NIBAN1: variants seen among roughly 807,000 people sequenced by gnomAD.
NIBAN1 encodes the protein niban apoptosis regulator 1, also known as protein Niban 1.
A neutral mutation model predicts 75.1 loss-of-function variants in NIBAN1; 81 were observed. The ratio of observed to expected loss-of-function variants is 1.08; its 90% confidence interval spans 0.90 to 1.30. The LOEUF is 1.30. Among genes scored for constraint, NIBAN1 ranks in the 50% most tolerant of loss-of-function variants. The pLI, the probability that NIBAN1 is intolerant of heterozygous loss-of-function variation, is 0.00. For synonymous variants in NIBAN1, 436 were observed against 424.8 expected (o/e 1.03, Z -0.32); for missense variants, 1,133 against 1,128.1 (o/e 1.00, Z -0.06).
chr1:184,920,244 C>T (rs943836422), intron 1 of NIBAN1, among the ~76,000 whole-genome samples: 11 of 152,088 alleles, frequency 7.2e-5, no homozygotes, highest in Non-Finnish European at 1.0e-4. Flanking sequence ...CTATTTGAAG[C>T]GATCATAAGA....
At chr1:184,950,433 A>G (rs1052999936) in intron 1 of NIBAN1, among the ~76,000 whole-genome samples, 12 of 152,232 alleles carry the variant, frequency 7.9e-5, no homozygotes, top group African/African-American at 2.9e-4. Context: ...TTTTCACTCC[A>G]TCATTCTCCT....
rs748046930 is a variant in NIBAN1 at position 184,818,666 on chromosome 1, G to C, written c.1145C>G (p.Thr382Ser). The change falls in exon 9 of 14, where the codon ACC (threonine) becomes AGC (serine). Residue 382 changes from threonine (T) to serine (S), a missense_variant. Coordinates refer to ENST00000367511, the MANE Select transcript of NIBAN1 (RefSeq NM_052966.4). ...EVNEVSQNFQ[T>S]TKDSVQLKEH... ...CTTTAGCTGGACACTGTCTTTGGTG[G>C]TCTGGAAGTTCTGGCTGACTTCATT... The C allele has an allele frequency of 2.2e-5, 35 of 1,610,600 alleles. No homozygotes were observed. The East Asian group carries it at 7.6e-4, about 35-fold the overall frequency.
At chr1:184,934,722 C>T (rs1657910574) in intron 1 of NIBAN1, among the ~76,000 whole-genome samples, 1 of 152,142 alleles carries the variant, frequency 6.6e-6, no homozygotes, top group Non-Finnish European at 1.5e-5. Flanking sequence ...TGGTAAAACC[C>T]TGTCTCTACT....
Position 184,897,277 on chromosome 1 carries a change from AGTGTGTGT to A in NIBAN1, c.186+1894_186+1901del, listed in dbSNP as rs34548568. On this transcript the variant is annotated intron_variant, in intron 2 of 13. Coordinates refer to ENST00000367511, the MANE Select transcript of NIBAN1 (RefSeq NM_052966.4). Reference sequence around the variant, plus strand: ...ATCTCCTTGGTTAAATGTACTCCTAAGTGTGTGTGTGTGTGTGTGTGTGTGTGTGTGTG... The same window carrying A: ...ATCTCCTTGGTTAAATGTACTCCTAAGTGTGTGTGTGTGTGTGTGTGTGTG... 1.1e-3 allele frequency among the ~76,000 whole-genome samples: 140 copies of A among 132,682 alleles called. 1 individual carries two copies. The highest frequency in any genetic ancestry group is 4.2e-3 in the South Asian group (16 of 3,818). 87.0% of individuals were successfully genotyped at this position (132,682 alleles called of 152,430 possible). A position where few individuals can be genotyped will look rare whatever the true frequency, so the allele number is the denominator to read the frequency against.
intron 5 of NIBAN1, among the ~76,000 whole-genome samples, chr1:184,882,927 T>C (rs540853739): frequency 6.6e-6 from 1 of 152,282 alleles, no homozygotes; most frequent in East Asian, 1.9e-4. Context: ...TTAATAAGGG[T>C]ATCATTTTTT....
At chr1:184,957,613 A>C (rs557524606) in intron 1 of NIBAN1, among the ~76,000 whole-genome samples, 149 of 152,364 alleles carry the variant, frequency 9.8e-4, no homozygotes, top group African/African-American at 3.3e-3. Context: ...CAAATTGATT[A>C]ACATAATGGT....
chr1:184,809,619 A>G (rs1371307818), intron 9 of NIBAN1, among the ~76,000 whole-genome samples: 1 of 150,102 alleles, frequency 6.7e-6, no homozygotes, highest in African/African-American at 2.5e-5. Context: ...ATATATATAT[A>G]TACACATATA....
chr1:184,924,559 G>C (rs905749138), intron 1 of NIBAN1, among the ~76,000 whole-genome samples: 8 of 152,108 alleles, frequency 5.3e-5, no homozygotes, highest in Non-Finnish European at 1.2e-4. Context: ...CTCATTGAAT[G>C]ATTTGGAACT....
chr1:184,808,633 C>G (rs1654276583), intron 9 of NIBAN1, among the ~76,000 whole-genome samples: 1 of 152,044 alleles, frequency 6.6e-6, no homozygotes. Context: ...ACACTCCTCT[C>G]AAAAAACGCC....
chr1:184,803,539 T>C, intron 12 of NIBAN1, 46 bp downstream of exon 12: 1 of 1,486,898 alleles, frequency 6.7e-7, no homozygotes, highest in Non-Finnish European at 9.4e-7. Flanking sequence ...TGTTTGAACT[T>C]CAGAGGTAAG....
chr1:184,875,174 C>A (rs1656200413), intron 5 of NIBAN1, among the ~76,000 whole-genome samples: 1 of 152,158 alleles, frequency 6.6e-6, no homozygotes, highest in African/African-American at 2.4e-5. Context: ...AAATCTATAG[C>A]ATTTAAATGC....
At chr1:184,917,368 ATTTTTTTTTTTTT>A (rs1168037153) in intron 1 of NIBAN1, among the ~76,000 whole-genome samples, 1 of 89,116 alleles carries the variant, frequency 1.1e-5, no homozygotes, top group Non-Finnish European at 2.1e-5. Context: ...CGCCCGGCTA[ATTTTTTTTTTTTT>A]TTTTTTTTTT....
intron 9 of NIBAN1, among the ~76,000 whole-genome samples, chr1:184,813,326 AC>A (rs1162468774): frequency 6.6e-6 from 1 of 152,230 alleles, no homozygotes; most frequent in Non-Finnish European, 1.5e-5. Flanking sequence ...AAACTATAAT[AC>A]CTTTTAGTTC....
rs199849906 is a variant in NIBAN1, at chr1:184,861,666, AG to A, written c.601+22966del. On this transcript the variant is annotated intron_variant, in intron 5 of 13. Coordinates refer to ENST00000367511, the MANE Select transcript of NIBAN1 (RefSeq NM_052966.4). ...GAGAAGGAAAAGGAAGGAAGGAAGG[AG>A]GAAGGGAGGGAGGGAAGGAGTGAGG... Among the ~76,000 whole-genome samples the A allele has an allele frequency of 6.0e-3, 832 of 138,578 alleles. 14 individuals are homozygous for A. The highest frequency in any genetic ancestry group is 0.021 in the African/African-American group (783 of 37,640). The allele number at this position is 138,578 out of a possible 152,430, so 90.9% of individuals were successfully genotyped here.
At chr1:184,957,538 T>C (rs1205614776) in intron 1 of NIBAN1, among the ~76,000 whole-genome samples, 1 of 152,228 alleles carries the variant, frequency 6.6e-6, no homozygotes, top group Admixed American at 6.5e-5. Flanking sequence ...CTAGGTATTA[T>C]TCAGCAGTAT....
At chr1:184,939,073 C>T (rs1423544457) in intron 1 of NIBAN1, among the ~76,000 whole-genome samples, 1 of 152,162 alleles carries the variant, frequency 6.6e-6, no homozygotes, top group East Asian at 1.9e-4. Flanking sequence ...CTTGTCTTGC[C>T]TTGACTAGCA....
chr1:184,870,544 T>C (rs542437434), intron 5 of NIBAN1, among the ~76,000 whole-genome samples: 5 of 152,196 alleles, frequency 3.3e-5, no homozygotes, highest in African/African-American at 1.2e-4. Context: ...AGGTGGCAAA[T>C]ATATAGCCCA....
intron 1 of NIBAN1, among the ~76,000 whole-genome samples, chr1:184,965,298 CAA>C (rs569915154): frequency 3.0e-5 from 4 of 134,208 alleles, no homozygotes; most frequent in African/African-American, 5.5e-5. Flanking sequence ...GACTCCATCT[CAA>C]AAAAAAAAAA....
chr1:184,964,781 T>C (rs922781423), intron 1 of NIBAN1, among the ~76,000 whole-genome samples: 2 of 152,202 alleles, frequency 1.3e-5, no homozygotes, highest in Non-Finnish European at 2.9e-5. Flanking sequence ...AAATTCATGG[T>C]GGCATTTCCA....
Sources: allele counts gnomAD v4.1 joint callset (sites outside exome capture counted in the v4.1 genomes callset), GRCh38; gene constraint gnomAD v4.1.1; transcripts MANE v1.5; gene names NCBI Gene and HGNC (gene_info 2026-07-23, HGNC 2026-07-21).